Variants in LTBP2 observed in about 807,000 individuals in gnomAD.
LTBP2 encodes the protein latent transforming growth factor beta binding protein 2.
A neutral mutation model predicts 210.6 loss-of-function variants in LTBP2; 103 were observed. The observed-to-expected ratio is 0.49, with a 90% CI of 0.42 to 0.58. The LOEUF (loss-of-function observed/expected upper bound fraction) is 0.58. LTBP2 is among the 20% of genes least tolerant of loss of function. The pLI is 0.00. For missense variants in LTBP2, 2,313 were observed against 2,494.5 expected, an observed-to-expected ratio of 0.93 and a Z score of 1.55; for synonymous variants, 1,007 against 1,015.0, an observed-to-expected ratio of 0.99 and a Z score of 0.15.
intron 3 of LTBP2, among the ~76,000 whole-genome samples, chr14:74,571,769 T>C (rs11624818): frequency 0.45 from 68,322 of 152,118 alleles, 16,644 homozygotes; most frequent in Non-Finnish European, 0.56. Context: ...GTGGACATGT[T>C]ACATCGTGGG....
At position 74,508,812 on chromosome 14, in the gene LTBP2, G is replaced by A. The variant is rs758113269; in HGVS notation, c.3526+18C>T. 6.2e-6 allele frequency: 10 copies of A among 1,613,406 alleles called. No homozygotes were observed. Among genetic ancestry groups the A allele is most frequent in the African/African-American group, 1.3e-5 (1 of 74,846 alleles). On this transcript the variant is annotated intron_variant, in intron 23 of 35. Transcript: ENST00000261978. ...ACTCATGCCCCCCACCCCCAGTAGG[G>A]TGACCTGGGTCACTCACCCTCACAC... is the stretch of plus-strand genomic sequence containing the variant.
At chr14:74,575,154 C>T (rs2088041099) in intron 3 of LTBP2, among the ~76,000 whole-genome samples, 1 of 152,240 alleles carries the variant, frequency 6.6e-6, no homozygotes, top group Admixed American at 6.5e-5. Context: ...CCCTGGGCTA[C>T]ATCTGCCCAG....
rs556378557 is a variant in LTBP2, at chr14:74,590,183, T to C, written c.566-4065A>G. Reference sequence around the variant, plus strand: ...AGACATGGTGAAAAGGGAACACTTATACACTGCTGGTGGGAATGTAAATTA... The same window carrying C: ...AGACATGGTGAAAAGGGAACACTTACACACTGCTGGTGGGAATGTAAATTA... On this transcript the variant is annotated intron_variant, in intron 2 of 35. Coordinates refer to ENST00000261978, the MANE Select transcript of LTBP2 (RefSeq NM_000428.3). 6.6e-5 allele frequency among the ~76,000 whole-genome samples: 10 copies of C among 152,340 alleles called. No homozygotes were observed. In the East Asian group the frequency reaches 1.7e-3, roughly 26 times the overall value.
intron 1 of LTBP2, among the ~76,000 whole-genome samples, chr14:74,606,495 C>T (rs1686037941): frequency 1.3e-5 from 2 of 152,258 alleles, no homozygotes; most frequent in Admixed American, 1.3e-4. Context: ...CTCTGGTCTA[C>T]TGATTAAAAT....
intron 1 of LTBP2, among the ~76,000 whole-genome samples, chr14:74,606,834 T>C (rs1214608925): frequency 1.1e-4 from 16 of 146,612 alleles, no homozygotes; most frequent in Admixed American, 8.3e-4. Context: ...AGAGCAAGAC[T>C]CCATCTCAAA....
chr14:74,556,425 T>A (rs376570862), intron 3 of LTBP2, among the ~76,000 whole-genome samples: 1 of 152,270 alleles, frequency 6.6e-6, no homozygotes. Flanking sequence ...ATATTTGTCA[T>A]GTTCATCGCT....
At position 74,502,453 on chromosome 14, in the gene LTBP2, A is replaced by G. The variant is rs375462749; in HGVS notation, c.5170+200T>C. The G allele has an allele frequency of 4.3e-6, 3 of 703,032 alleles. No individual in the cohort carries two copies. The African/African-American group carries it at 5.2e-5, about 12-fold the overall frequency. 43.5% of individuals were successfully genotyped at this position (703,032 alleles called of 1,614,324 possible). Reference sequence around the variant, plus strand: ...TCCTGTACCTTTTTGTGTCCCTGTGATAGTTTATGACGGAGTTGTTAGGGT... The same window carrying G: ...TCCTGTACCTTTTTGTGTCCCTGTGGTAGTTTATGACGGAGTTGTTAGGGT... On this transcript the variant is annotated intron_variant, in intron 34 of 35. Transcript: ENST00000261978.
At chr14:74,563,034 G>A (rs2087816059) in intron 3 of LTBP2, among the ~76,000 whole-genome samples, 1 of 152,148 alleles carries the variant, frequency 6.6e-6, no homozygotes, top group South Asian at 2.1e-4. Flanking sequence ...TCCAAGCCAT[G>A]CTCTTGGCTG....
At chr14:74,544,800 C>T (rs2087557253) in intron 8 of LTBP2, among the ~76,000 whole-genome samples, 1 of 152,282 alleles carries the variant, frequency 6.6e-6, no homozygotes, top group South Asian at 2.1e-4. Flanking sequence ...TGATCTGGAG[C>T]CCACTACTTT....
chr14:74,498,731 A>G lies in LTBP2; in HGVS notation c.*2153T>C, dbSNP rs113879332. On this transcript the variant is annotated 3_prime_UTR_variant, in exon 36 of 36. Transcript: ENST00000261978. ...GGGGATGGTAAGTTCTCCGATGGTG[A>G]GGTATAAGGCGGAGTGGCAAGGATG... 3,362 of 232,166 alleles carry G rather than the reference A, an allele frequency of 0.014. 114 individuals are homozygous for G. The highest frequency in any genetic ancestry group is 0.067 in the African/African-American group (3,018 of 45,360). 14.4% of individuals were successfully genotyped at this position (232,166 alleles called of 1,614,324 possible). A position where few individuals can be genotyped will look rare whatever the true frequency, so the allele number is the denominator to read the frequency against.
At position 74,527,456 on chromosome 14, in the gene LTBP2, G is replaced by A. The variant is rs539122429; in HGVS notation, c.2369-90C>T. On this transcript the variant is annotated intron_variant, in intron 12 of 35. Coordinates refer to ENST00000261978, the MANE Select transcript of LTBP2 (RefSeq NM_000428.3). ...CCACCTGGGCGGCTTCACAGTCTGC[G>A]CCCCAGACCACATCCCCAGCAGGGC... 185 of 1,397,452 alleles carry A rather than the reference G, an allele frequency of 1.3e-4. 1 individual carries two copies. Among genetic ancestry groups the A allele is most frequent in the East Asian group, 1.2e-3 (48 of 40,524 alleles). 86.6% of individuals were successfully genotyped at this position (1,397,452 alleles called of 1,614,324 possible).
At chr14:74,524,188 G>A (rs1028341788) in intron 15 of LTBP2, among the ~76,000 whole-genome samples, 3 of 152,118 alleles carry the variant, frequency 2.0e-5, no homozygotes, top group Admixed American at 2.0e-4. Context: ...TTCCTTGTCA[G>A]AAATTCAGCA....
chr14:74,527,002 G>A (rs1328532203), intron 13 of LTBP2, among the ~76,000 whole-genome samples: 1 of 152,190 alleles, frequency 6.6e-6, no homozygotes, highest in Non-Finnish European at 1.5e-5. Context: ...TGAACTGGAA[G>A]CAGCTCCACA....
Position 74,506,143 on chromosome 14 carries a change from C to T in LTBP2, c.4082G>A (p.Cys1361Tyr). The T allele has an allele frequency of 6.2e-7, 1 of 1,614,248 alleles. No homozygotes were observed. Among genetic ancestry groups the T allele is most frequent in the Non-Finnish European group, 8.5e-7 (1 of 1,180,048 alleles). The change falls in exon 28 of 36, where the codon TGT (cysteine) becomes TAT (tyrosine). Residue 1361 changes from cysteine to tyrosine, a missense_variant. Around this residue, in one of 3 missense-constraint regions of LTBP2, gnomAD observed 1,867 missense variants for 1,976.9 expected, o/e 0.94. Coordinates refer to ENST00000261978, the MANE Select transcript of LTBP2 (RefSeq NM_000428.3). ...CAGGAAGGAGCCCTCCACGTTCTCA[C>T]AGAGCGCGGCCCCACATACCGCCAG... is the stretch of plus-strand genomic sequence containing the variant. ...LMLAVCGAALCENVEGSFLCL... is the reference protein window; with the variant it reads ...LMLAVCGAALYENVEGSFLCL...
intron 10 of LTBP2, among the ~76,000 whole-genome samples, chr14:74,531,363 G>A (rs564449864): frequency 2.0e-5 from 3 of 152,188 alleles, no homozygotes; most frequent in Non-Finnish European, 4.4e-5. Context: ...AGTCACCTTG[G>A]ATGTCAAACA....
chr14:74,557,518 A>T (rs1048108622), intron 3 of LTBP2, among the ~76,000 whole-genome samples: 3 of 152,212 alleles, frequency 2.0e-5, no homozygotes, highest in African/African-American at 7.2e-5. Context: ...CTCTCCTTTA[A>T]AAAATTATTT....
chr14:74,527,628 T>C (rs1482924569), intron 12 of LTBP2, among the ~76,000 whole-genome samples: 1 of 152,236 alleles, frequency 6.6e-6, no homozygotes, highest in Non-Finnish European at 1.5e-5. Flanking sequence ...CGGAAGGCCC[T>C]GCTTTCCTGT....
chr14:74,514,121 T>C (rs1217601756), intron 18 of LTBP2, among the ~76,000 whole-genome samples: 1 of 152,256 alleles, frequency 6.6e-6, no homozygotes, highest in Non-Finnish European at 1.5e-5. Context: ...ACTCTGAGGC[T>C]GTCCCACCAG....
At position 74,586,533 on chromosome 14, in the gene LTBP2, C is replaced by A. The variant is rs181090857; in HGVS notation, c.566-415G>T. ...GAGTAGATTCTCAGTAAACATGGAG[C>A]GAATGGATGAATGAATCAGTCTCTT... On this transcript the variant is annotated intron_variant, in intron 2 of 35. Coordinates refer to ENST00000261978, the MANE Select transcript of LTBP2 (RefSeq NM_000428.3). This position sits in a 1 kb window ranked among gnomAD's most constrained non-coding sequence, Gnocchi z 4.6. 4.6e-5 allele frequency among the ~76,000 whole-genome samples: 7 copies of A among 152,216 alleles called. No individual in the cohort carries two copies. The East Asian group carries it at 1.4e-3, about 29-fold the overall frequency.
Sources: gnomAD v4.1 joint callset for allele counts (sites outside exome capture counted in the v4.1 genomes callset) on GRCh38, gnomAD v4.1.1 for gene constraint, gnomAD v4.1.1 regional missense constraint, Gnocchi (gnomAD v3.1) non-coding constraint, MANE v1.5 for transcripts, NCBI Gene and HGNC (gene_info 2026-07-23, HGNC 2026-07-21) for gene names.